The following NUDC variants were observed in gnomAD, a reference collection of about 807,000 sequenced individuals.
The protein encoded by NUDC is nuclear distribution C, dynein complex regulator.
Under a neutral mutation model 45.0 loss-of-function variants are expected in NUDC, and 14 were observed. The observed-to-expected ratio is 0.31, with a 90% confidence interval of 0.21 to 0.49. The LOEUF (loss-of-function observed/expected upper bound fraction) is 0.49. Among genes scored for constraint, NUDC ranks in the 20% least tolerant of loss-of-function variants. The pLI is 0.99. For missense variants in NUDC, 323 were observed against 426.2 expected, an observed-to-expected ratio of 0.76 and a Z score of 2.13; for synonymous variants, 153 against 156.7, an observed-to-expected ratio of 0.98 and a Z score of 0.17.
intron 2 of NUDC, among the ~76,000 whole-genome samples, chr1:26,931,861 A>G (rs2082186876): frequency 6.6e-6 from 1 of 150,466 alleles, no homozygotes; most frequent in African/African-American, 2.4e-5. Flanking sequence ...TAATTTTTGT[A>G]TTTTTAGTAG....
Position 26,913,552 on chromosome 1 carries a change from C to G in NUDC, c.93+2317C>G, listed in dbSNP as rs773062003. On this transcript the variant is annotated intron_variant, in intron 3 of 6. Transcript: ENST00000435827. ...TCTGTCTGGCAGTTGGCCACTGCCT[C>G]CACTGCTGCTGGGCTCCTCCAGCAG... The G allele has an allele frequency of 1.9e-6, 3 of 1,614,112 alleles. No individual in the cohort carries two copies. Among genetic ancestry groups the G allele is most frequent in the Non-Finnish European group, 2.5e-6 (3 of 1,179,974 alleles).
At chr1:26,918,725 C>A (rs2082074760), upstream of NUDC, among the ~76,000 whole-genome samples, 1 of 151,674 alleles carries the variant, frequency 6.6e-6, no homozygotes, top group Non-Finnish European at 1.5e-5. Context: ...CAGGTTCCCA[C>A]CACTATGCCT....
intron 2 of NUDC, among the ~76,000 whole-genome samples, chr1:26,933,391 G>T (rs2082199411): frequency 6.6e-6 from 1 of 151,932 alleles, no homozygotes; most frequent in Non-Finnish European, 1.5e-5. Context: ...GTAATCTATT[G>T]GATCATATGG....
rs2082142254 is a variant in NUDC at position 26,927,321 on chromosome 1, TGTC to T, written c.159+3156_159+3158del. Among the ~76,000 whole-genome samples, 3 of 139,780 alleles carry T rather than the reference TGTC, an allele frequency of 2.1e-5. No individual in the cohort carries two copies. In the Admixed American group the frequency reaches 2.2e-4, roughly 10 times the overall value. 91.7% of individuals were successfully genotyped at this position (139,780 alleles called of 152,430 possible). ...TGTGTGTGTCAGGGTCTTGCTCTGTTGTCCCAGCTGGAGCACAGTGGCGTGATC... is the reference window on the plus strand; with the variant it reads ...TGTGTGTGTCAGGGTCTTGCTCTGTTCCAGCTGGAGCACAGTGGCGTGATC... On this transcript the variant is annotated intron_variant, in intron 2 of 8. Coordinates refer to ENST00000321265, the MANE Select transcript of NUDC (RefSeq NM_006600.4).
At position 26,912,245 on chromosome 1, in the gene NUDC, T is replaced by C. The variant is rs575562906; in HGVS notation, c.93+1010T>C. Among the ~76,000 whole-genome samples, 4 of 152,306 alleles carry C rather than the reference T, an allele frequency of 2.6e-5. No homozygotes were observed. In the South Asian group the frequency reaches 8.3e-4, roughly 32 times the overall value. Reference sequence around the variant, plus strand: ...ACCTCCTCCTTTAGAGGAGGTAATTTATTTATCAATTTTCAATGTATTCAT... The same window carrying C: ...ACCTCCTCCTTTAGAGGAGGTAATTCATTTATCAATTTTCAATGTATTCAT... On this transcript the variant is annotated intron_variant, in intron 3 of 6. Transcript: ENST00000435827.
chr1:26,940,618 G>A (rs1318182135), intron 2 of NUDC, among the ~76,000 whole-genome samples: 2 of 152,198 alleles, frequency 1.3e-5, no homozygotes, highest in African/African-American at 2.4e-5. Context: ...AGAGGAGTGG[G>A]CCTGAGAACT....
chr1:26,931,114 G>C (rs199939131), intron 2 of NUDC, among the ~76,000 whole-genome samples: 2 of 151,960 alleles, frequency 1.3e-5, no homozygotes, highest in African/African-American at 4.8e-5. Context: ...GTCTCGCTCT[G>C]TTGCCCAGCC....
intron 2 of NUDC, among the ~76,000 whole-genome samples, chr1:26,934,712 T>C (rs1012263408): frequency 6.7e-6 from 1 of 149,400 alleles, no homozygotes; most frequent in Non-Finnish European, 1.5e-5. Context: ...CGGGCTGGAG[T>C]GCAGTGGTGC....
intron 2 of NUDC, among the ~76,000 whole-genome samples, chr1:26,927,000 T>C (rs1365160391): frequency 6.6e-6 from 1 of 152,214 alleles, no homozygotes; most frequent in African/African-American, 2.4e-5. Context: ...AGATTTGTTC[T>C]TTGTTTTCAT....
intron 2 of NUDC, among the ~76,000 whole-genome samples, chr1:26,907,199 A>G (rs1379920388): frequency 6.6e-6 from 1 of 152,136 alleles, no homozygotes; most frequent in Non-Finnish European, 1.5e-5. Context: ...TGGAATGCCC[A>G]TCCCTTGGGT....
chr1:26,915,396 T>C (rs1289663450), intron 3 of NUDC, among the ~76,000 whole-genome samples: 1 of 152,158 alleles, frequency 6.6e-6, no homozygotes, highest in Non-Finnish European at 1.5e-5. Context: ...GAAGTGTTGC[T>C]CTGCTGCCAC....
intron 2 of NUDC, among the ~76,000 whole-genome samples, chr1:26,910,520 A>C (rs2082021103): frequency 6.6e-6 from 1 of 152,186 alleles, no homozygotes; most frequent in Non-Finnish European, 1.5e-5. Flanking sequence ...GATGACGCCT[A>C]GACTGTTATC....
At chr1:26,938,639 G>A (rs140795430) in intron 2 of NUDC, among the ~76,000 whole-genome samples, 61 of 152,310 alleles carry the variant, frequency 4.0e-4, no homozygotes, top group East Asian at 3.7e-3. Flanking sequence ...AGAATTTGGC[G>A]TCAAATGGGT....
Position 26,943,042 on chromosome 1 carries a change from G to T in NUDC, c.718G>T (p.Val240Leu). ...ESSWLIEDGK[V>L]VTVHLEKINK... ...CTCGTGGCTCATTGAGGACGGCAAG[G>T]TGGTGACTGTGCATCTGGAGAAGGT... The change falls in exon 6 of 9, where the codon GTG becomes TTG. Residue 240 changes from valine (V) to leucine (L), a missense_variant. Around this residue, in one of 3 missense-constraint regions of NUDC, gnomAD observed 245 missense variants for 278.8 expected, o/e 0.88. Coordinates refer to ENST00000321265, the MANE Select transcript of NUDC (RefSeq NM_006600.4). 6.2e-7 allele frequency: 1 copy of T among 1,614,156 alleles called. No individual in the cohort carries two copies. The highest frequency in any genetic ancestry group is 8.5e-7 in the Non-Finnish European group (1 of 1,180,024).
intron 6 of NUDC, 141 bp from the exon 7 acceptor site, chr1:26,945,249 T>C: frequency 2.8e-6 from 2 of 719,910 alleles, no homozygotes; most frequent in Admixed American, 4.0e-5. Context: ...CACAGTCTTG[T>C]ACCTCTGGAT....
At chr1:26,906,040 G>C (rs141321839) in intron 2 of NUDC, among the ~76,000 whole-genome samples, 244 of 152,344 alleles carry the variant, frequency 1.6e-3, no homozygotes, top group Non-Finnish European at 2.6e-3. Context: ...CCAGCACTTT[G>C]GGAGGGCGAG....
intron 1 of NUDC, 190 bp downstream of exon 1, chr1:26,922,119 G>A: frequency 1.6e-6 from 1 of 619,148 alleles, no homozygotes; most frequent in Non-Finnish European, 2.9e-6. Context: ...TCAGTCCCGG[G>A]CCCCCGGCGC....
rs561931491 is a variant in NUDC at position 26,932,808 on chromosome 1, G to T, written c.159+8642G>T. On this transcript the variant is annotated intron_variant, in intron 2 of 8. Transcript: ENST00000321265. ...TTTTCTGTGTAGGTTGACTACTGTA[G>T]ATACTTCATATAAATGGAATCATAC... Among the ~76,000 whole-genome samples, 7 of 152,242 alleles carry T rather than the reference G, an allele frequency of 4.6e-5. No homozygotes were observed. In the East Asian group the frequency reaches 1.3e-3, roughly 29 times the overall value.
At chr1:26,930,854 A>G (rs761246454) in intron 2 of NUDC, among the ~76,000 whole-genome samples, 6 of 151,818 alleles carry the variant, frequency 4.0e-5, no homozygotes, top group Non-Finnish European at 7.4e-5. Context: ...CGTCTCTACT[A>G]AAAATACAAA....
Sources: allele counts gnomAD v4.1 joint callset (sites outside exome capture counted in the v4.1 genomes callset), GRCh38; gene constraint gnomAD v4.1.1; regional missense constraint gnomAD v4.1.1; transcripts MANE v1.5; gene names NCBI Gene and HGNC (gene_info 2026-07-23, HGNC 2026-07-21).